PTPRM: variants seen among roughly 807,000 people sequenced by gnomAD.
PTPRM encodes the protein protein tyrosine phosphatase receptor type M.
In PTPRM, 47 loss-of-function variants were observed where a neutral mutation model predicts 186.7. That is an observed-to-expected ratio of 0.25 (90% CI 0.20 to 0.32). The LOEUF is 0.32. PTPRM is among the 10% of genes least tolerant of loss of function. The pLI is 1.00. For synonymous variants in PTPRM, 668 were observed against 674.9 expected (o/e 0.99, Z 0.16); for missense variants, 1,494 against 1,865.0 (o/e 0.80, Z 3.66).
intron 24 of PTPRM, among the ~76,000 whole-genome samples, chr18:8,374,646 C>A (rs1229332738): frequency 1.3e-5 from 2 of 152,194 alleles, no homozygotes; most frequent in African/African-American, 4.8e-5. Context: ...ATTTAGCAGA[C>A]AACAATATTG....
chr18:8,186,517 T>C (rs969805271), intron 14 of PTPRM, among the ~76,000 whole-genome samples: 1 of 152,174 alleles, frequency 6.6e-6, no homozygotes, highest in Admixed American at 6.5e-5. Flanking sequence ...TTGACAGAAA[T>C]GTGGGCAACT....
chr18:7,719,031 C>T (rs1171451957), intron 1 of PTPRM, among the ~76,000 whole-genome samples: 1 of 152,190 alleles, frequency 6.6e-6, no homozygotes, highest in African/African-American at 2.4e-5. Context: ...TTTGATCCGG[C>T]AATCCCACTA....
chr18:7,571,842 GCA>G (rs1446582213), intron 1 of PTPRM, among the ~76,000 whole-genome samples: 1 of 152,108 alleles, frequency 6.6e-6, no homozygotes, highest in Non-Finnish European at 1.5e-5. Flanking sequence ...GGGTGTACTT[GCA>G]CAGTTTGTAT....
intron 22 of PTPRM, among the ~76,000 whole-genome samples, chr18:8,327,577 C>G (rs534051876): frequency 6.6e-6 from 1 of 152,178 alleles, no homozygotes; most frequent in African/African-American, 2.4e-5. Flanking sequence ...TTGGGACTTA[C>G]GATGTGCCAC....
intron 31 of PTPRM, among the ~76,000 whole-genome samples, chr18:8,390,245 G>T (rs184737844): frequency 6.6e-6 from 1 of 152,332 alleles, no homozygotes; most frequent in East Asian, 1.9e-4. Context: ...GCCTGGACAC[G>T]TTGGTCTCCC....
At chr18:7,814,917 C>T (rs1029629852) in intron 2 of PTPRM, 5 of 152,172 alleles carry the variant, frequency 3.3e-5, no homozygotes, top group African/African-American at 1.2e-4. Context: ...CCCTCCCAGT[C>T]TTAAATCTTG....
At chr18:8,333,246 A>G (rs1380356088) in intron 22 of PTPRM, among the ~76,000 whole-genome samples, 1 of 152,258 alleles carries the variant, frequency 6.6e-6, no homozygotes, top group Non-Finnish European at 1.5e-5. Context: ...ATATTTCATG[A>G]AAGTTGCATG....
chr18:7,781,637 C>T (rs529988095), intron 2 of PTPRM, among the ~76,000 whole-genome samples: 16 of 152,254 alleles, frequency 1.1e-4, no homozygotes, highest in African/African-American at 3.9e-4. Context: ...CATTGTCTAT[C>T]ATTCGTTCCC....
chr18:7,954,207 G>A (rs73381865), intron 6 of PTPRM, among the ~76,000 whole-genome samples: 4,453 of 152,164 alleles, frequency 0.029, 144 homozygotes, highest in African/African-American at 0.076. Context: ...GGAAAGAGTC[G>A]GTCTCAGATT....
chr18:7,732,394 A>G (rs898492594), intron 1 of PTPRM, among the ~76,000 whole-genome samples: 1 of 152,250 alleles, frequency 6.6e-6, no homozygotes, highest in African/African-American at 2.4e-5. Flanking sequence ...GCTTCAAGGA[A>G]GACTGGAATA....
intron 14 of PTPRM, among the ~76,000 whole-genome samples, chr18:8,220,979 A>C (rs1038340105): frequency 6.6e-6 from 1 of 152,212 alleles, no homozygotes; most frequent in African/African-American, 2.4e-5. Context: ...CTCAGTGAAC[A>C]AAATGAGAAT....
chr18:7,844,440 G>A (rs1048985414), intron 2 of PTPRM, among the ~76,000 whole-genome samples: 3 of 152,102 alleles, frequency 2.0e-5, no homozygotes, highest in South Asian at 4.1e-4. Context: ...TTAGTCTGAA[G>A]ACCTGTGAAC....
At chr18:8,264,243 A>G (rs1454497918) in intron 19 of PTPRM, among the ~76,000 whole-genome samples, 1 of 152,210 alleles carries the variant, frequency 6.6e-6, no homozygotes, top group Non-Finnish European at 1.5e-5. Flanking sequence ...ACCAACCGCT[A>G]ATAGAAGCAA....
At chr18:7,722,330 G>T (rs1329299380) in intron 1 of PTPRM, among the ~76,000 whole-genome samples, 1 of 152,058 alleles carries the variant, frequency 6.6e-6, no homozygotes, top group Non-Finnish European at 1.5e-5. Context: ...TGGCTTGATG[G>T]CCCATTTCTT....
intron 23 of PTPRM, 60 bp downstream of exon 23, chr18:8,343,580 G>GT (rs1230824141): frequency 1.3e-6 from 2 of 1,501,846 alleles, no homozygotes; most frequent in African/African-American, 2.8e-5. Flanking sequence ...GTAACAGAAA[G>GT]TAAGGCATGA....
intron 1 of PTPRM, among the ~76,000 whole-genome samples, chr18:7,681,740 C>T (rs1372285120): frequency 2.0e-5 from 3 of 152,184 alleles, no homozygotes; most frequent in African/African-American, 7.2e-5. Context: ...CTTTTAATAA[C>T]AATTCCGAAG....
chr18:8,061,706 T>C (rs868412673), intron 7 of PTPRM, among the ~76,000 whole-genome samples: 1,320 of 104,088 alleles, frequency 0.013, 11 homozygotes, highest in African/African-American at 0.03. Flanking sequence ...TTATTTCTCC[T>C]TCACTTATGA....
intron 2 of PTPRM, among the ~76,000 whole-genome samples, chr18:7,830,648 G>A (rs1173265740): frequency 6.6e-6 from 1 of 152,140 alleles, no homozygotes; most frequent in Non-Finnish European, 1.5e-5. Flanking sequence ...ATATGTCATA[G>A]TTGCTAGGAG....
chr18:7,662,897 T>C (rs1393224382), intron 1 of PTPRM, among the ~76,000 whole-genome samples: 1 of 152,166 alleles, frequency 6.6e-6, no homozygotes, highest in Non-Finnish European at 1.5e-5. Context: ...AAAAGATATA[T>C]ACATTTTAAT....
Sources: gnomAD v4.1 joint callset for allele counts (sites outside exome capture counted in the v4.1 genomes callset) on GRCh38, gnomAD v4.1.1 for gene constraint, MANE v1.5 for transcripts, NCBI Gene and HGNC (gene_info 2026-07-23, HGNC 2026-07-21) for gene names.